Variants in CSNK2A2IP observed in about 807,000 individuals in gnomAD.
CSNK2A2IP encodes casein kinase 2 subunit alpha' interacting protein.
the CSNK2A2IP span, among the ~76,000 whole-genome samples, chr3:88,348,810 T>C: frequency 2.0e-5 from 3 of 152,068 alleles, no homozygotes; most frequent in African/African-American, 7.2e-5. Context: ...TATGGACAAC[T>C]ACAAATCTGT....
chr3:88,360,598 T>C, the CSNK2A2IP span, among the ~76,000 whole-genome samples: 2 of 152,160 alleles, frequency 1.3e-5, no homozygotes, highest in African/African-American at 4.8e-5. Context: ...TGTAGTCGGA[T>C]CTTGTTTTCT....
At chr3:88,445,874 A>G in the CSNK2A2IP span, among the ~76,000 whole-genome samples, 13 of 151,278 alleles carry the variant, frequency 8.6e-5, no homozygotes, top group Non-Finnish European at 1.8e-4. Context: ...GTTCATTTTA[A>G]TGGTTTCTTT....
chr3:88,443,451 G>T, the CSNK2A2IP span, among the ~76,000 whole-genome samples: 1 of 152,156 alleles, frequency 6.6e-6, no homozygotes, highest in African/African-American at 2.4e-5. Context: ...AAGAGAAAAG[G>T]TCAGGCAGAT....
the CSNK2A2IP span, among the ~76,000 whole-genome samples, chr3:88,438,650 C>T: frequency 6.6e-6 from 1 of 152,206 alleles, no homozygotes; most frequent in South Asian, 2.1e-4. Context: ...TCCACTAATT[C>T]TGTAACTGTT....
At chr3:88,361,192 T>C in the CSNK2A2IP span, among the ~76,000 whole-genome samples, 2 of 152,156 alleles carry the variant, frequency 1.3e-5, no homozygotes, top group Non-Finnish European at 2.9e-5. Flanking sequence ...TGTATTTACT[T>C]TTACCAGTGA....
chr3:88,339,516 T>C, the CSNK2A2IP span, among the ~76,000 whole-genome samples: 27 of 152,200 alleles, frequency 1.8e-4, no homozygotes, highest in Admixed American at 1.5e-3. Context: ...GGAGTGCAGA[T>C]ACCTCTTTGA....
chr3:88,377,870 T>G, the CSNK2A2IP span, among the ~76,000 whole-genome samples: 1 of 151,956 alleles, frequency 6.6e-6, no homozygotes, highest in Non-Finnish European at 1.5e-5. Context: ...ACAGTGACCA[T>G]ATGTGACTTT....
chr3:88,414,181 A>C, the CSNK2A2IP span, among the ~76,000 whole-genome samples: 1 of 149,544 alleles, frequency 6.7e-6, no homozygotes, highest in Non-Finnish European at 1.5e-5. Context: ...ATTTGTAACA[A>C]GTAACATATA....
At chr3:88,454,308 A>G in the CSNK2A2IP span, among the ~76,000 whole-genome samples, 5 of 150,674 alleles carry the variant, frequency 3.3e-5, no homozygotes, top group Admixed American at 3.4e-4. Context: ...AGTTTTCTCT[A>G]TATATGATTG....
At chr3:88,367,035 A>T in the CSNK2A2IP span, among the ~76,000 whole-genome samples, 1 of 152,092 alleles carries the variant, frequency 6.6e-6, no homozygotes, top group Admixed American at 6.6e-5. Flanking sequence ...TGTCTCCCAC[A>T]GGGTCCCTCC....
chr3:88,393,541 T>A, the CSNK2A2IP span, among the ~76,000 whole-genome samples: 61,425 of 152,032 alleles, frequency 0.4, 14,611 homozygotes, highest in South Asian at 0.6. Context: ...ATACACATAT[T>A]TATGTACTTA....
At chr3:88,362,781 T>C in the CSNK2A2IP span, among the ~76,000 whole-genome samples, 2 of 152,196 alleles carry the variant, frequency 1.3e-5, no homozygotes, top group African/African-American at 4.8e-5. Flanking sequence ...AATAAGGAGC[T>C]TCAGGAATCT....
At chr3:88,404,127 G>A in the CSNK2A2IP span, among the ~76,000 whole-genome samples, 16 of 152,012 alleles carry the variant, frequency 1.1e-4, no homozygotes. Context: ...AGTTGAAGGA[G>A]GGATGGTTTA....
the CSNK2A2IP span, chr3:88,466,253 A>G: frequency 8.1e-7 from 1 of 1,231,704 alleles, no homozygotes; most frequent in East Asian, 3.2e-5. Flanking sequence ...TCCCATTCAA[A>G]AGCAAGGCAA....
chr3:88,451,183 G>A, the CSNK2A2IP span, among the ~76,000 whole-genome samples: 8 of 152,012 alleles, frequency 5.3e-5, no homozygotes, highest in African/African-American at 1.7e-4. Context: ...TCCTAAAAAA[G>A]GGGGAAATTA....
chr3:88,407,483 T>C, the CSNK2A2IP span, among the ~76,000 whole-genome samples: 1 of 152,082 alleles, frequency 6.6e-6, no homozygotes. Flanking sequence ...CTTGGCGGCA[T>C]ATGTAGCGCT....
chr3:88,346,145 C>T, the CSNK2A2IP span, among the ~76,000 whole-genome samples: 13 of 152,048 alleles, frequency 8.5e-5, no homozygotes, highest in African/African-American at 1.7e-4. Flanking sequence ...TTCAATTCTA[C>T]GAAGGCTGGA....
At chr3:88,417,574 T>C in the CSNK2A2IP span, among the ~76,000 whole-genome samples, 1 of 152,212 alleles carries the variant, frequency 6.6e-6, no homozygotes, top group Non-Finnish European at 1.5e-5. Context: ...TTTTCAAAGA[T>C]GGTGAGTTCC....
At chr3:88,449,874 T>TATATATATATAGAGAG in the CSNK2A2IP span, among the ~76,000 whole-genome samples, 1 of 70,044 alleles carries the variant, frequency 1.4e-5, no homozygotes, top group African/African-American at 4.7e-5. Context: ...TATATATATA[T>TATATATATATAGAGAG]AGAGAGAGAG....
Sources: allele counts gnomAD v4.1 joint callset (sites outside exome capture counted in the v4.1 genomes callset), GRCh38; gene constraint gnomAD v4.1.1; transcripts MANE v1.5; gene names NCBI Gene and HGNC (gene_info 2026-07-23, HGNC 2026-07-21).